Variants in FAM171A1 observed in about 807,000 individuals in gnomAD.
FAM171A1 encodes protein FAM171A1.
FAM171A1 carries 23 observed loss-of-function variants against 74.9 expected under a neutral mutation model. The observed-to-expected ratio is 0.31, with a 90% CI of 0.22 to 0.44. The LOEUF is 0.44. FAM171A1 is among the 20% of genes least tolerant of loss of function. FAM171A1 has a pLI of 1.00. For synonymous variants in FAM171A1, 527 were observed against 505.7 expected, an observed-to-expected ratio of 1.04 and a Z score of -0.57; for missense variants, 1,162 against 1,159.2, an observed-to-expected ratio of 1.00 and a Z score of -0.03.
Position 15,213,024 on chromosome 10 carries a change from G to T in FAM171A1, c.2564C>A (p.Ser855Tyr). 6.2e-7 allele frequency: 1 copy of T among 1,614,062 alleles called. No individual in the cohort carries two copies. Among genetic ancestry groups the T allele is most frequent in the Non-Finnish European group, 8.5e-7 (1 of 1,180,022 alleles). Residue 855 changes from serine (S) to tyrosine (Y), a missense_variant, in exon 8 of 8, where the codon TCT becomes TAT. Ser to Tyr is a moderately radical substitution (Grantham distance 144). Coordinates refer to ENST00000378116, the MANE Select transcript of FAM171A1 (RefSeq NM_001010924.2). This position sits in a 1 kb window ranked among gnomAD's most constrained non-coding sequence, Gnocchi z 6.8. ...EPAASPHQRR[S>Y]AHEEEEDDDD... Reference sequence around the variant, plus strand: ...ATCGTCTTCCTCTTCCTCGTGGGCAGATCTTCTCTGGTGGGGGCTGGCTGC... The same window carrying T: ...ATCGTCTTCCTCTTCCTCGTGGGCATATCTTCTCTGGTGGGGGCTGGCTGC...
At chr10:15,319,054 T>C (rs1245863151) in intron 1 of FAM171A1, among the ~76,000 whole-genome samples, 1 of 152,172 alleles carries the variant, frequency 6.6e-6, no homozygotes, top group Non-Finnish European at 1.5e-5. Context: ...AGGCCATCAA[T>C]GTGCTCAGAG....
chr10:15,326,794 A>C (rs775009908), intron 1 of FAM171A1, among the ~76,000 whole-genome samples: 3 of 151,902 alleles, frequency 2.0e-5, no homozygotes, highest in Non-Finnish European at 4.4e-5. Flanking sequence ...TACCCAGCTA[A>C]TTTTTGTATT....
upstream of FAM171A1, among the ~76,000 whole-genome samples, chr10:15,372,905 A>C (rs1564295455): frequency 6.6e-6 from 1 of 151,846 alleles, no homozygotes; most frequent in Non-Finnish European, 1.5e-5. Context: ...TCCAACTAGC[A>C]CTGCGGTGAC....
chr10:15,352,435 C>A (rs147037592), intron 1 of FAM171A1, among the ~76,000 whole-genome samples: 201 of 152,192 alleles, frequency 1.3e-3, no homozygotes, highest in African/African-American at 4.6e-3. Flanking sequence ...ATAAAAAATA[C>A]CAAGGGTCCA....
chr10:15,356,765 G>A (rs1198078101), intron 1 of FAM171A1, among the ~76,000 whole-genome samples: 1 of 152,064 alleles, frequency 6.6e-6, no homozygotes, highest in East Asian at 1.9e-4. Context: ...GAGATCAGGA[G>A]CTCGAGACCA....
chr10:15,272,084 G>C (rs1250876646), intron 3 of FAM171A1, among the ~76,000 whole-genome samples: 6 of 152,190 alleles, frequency 3.9e-5, no homozygotes, highest in Admixed American at 1.3e-4. Context: ...AAAAGACACA[G>C]ACAGGCACAT....
intron 1 of FAM171A1, among the ~76,000 whole-genome samples, chr10:15,349,953 G>A (rs1220062108): frequency 1.3e-5 from 2 of 152,012 alleles, no homozygotes; most frequent in South Asian, 2.1e-4. Flanking sequence ...AAAGCCAGGC[G>A]CTTTGATGTT....
upstream of FAM171A1, among the ~76,000 whole-genome samples, chr10:15,373,635 G>A (rs1836173788): frequency 6.6e-6 from 1 of 152,118 alleles, no homozygotes; most frequent in Admixed American, 6.6e-5. Flanking sequence ...TATATAAGAT[G>A]TTACAATTGG....
intron 5 of FAM171A1, among the ~76,000 whole-genome samples, chr10:15,228,208 C>G (rs1834133997): frequency 6.6e-6 from 1 of 152,154 alleles, no homozygotes; most frequent in South Asian, 2.1e-4. Context: ...GGGTAAGAAG[C>G]AGACAGACCT....
Position 15,358,971 on chromosome 10 carries a change from C to T in FAM171A1, c.97+11985G>A, listed in dbSNP as rs79650003. On this transcript the variant is annotated intron_variant, in intron 1 of 7. Transcript: ENST00000378116. ...AATTAATGTGCAAATTTGGGAAAGTCGTTTAACTTCTTTGCACCTCACAGT... is the reference window on the plus strand; with the variant it reads ...AATTAATGTGCAAATTTGGGAAAGTTGTTTAACTTCTTTGCACCTCACAGT... Among the ~76,000 whole-genome samples, 530 of 151,836 alleles carry T rather than the reference C, an allele frequency of 3.5e-3. 3 individuals are homozygous for T. The highest frequency in any genetic ancestry group is 0.012 in the African/African-American group (510 of 41,154).
intron 3 of FAM171A1, among the ~76,000 whole-genome samples, chr10:15,260,708 C>A (rs928754073): frequency 1.4e-4 from 22 of 152,220 alleles, no homozygotes; most frequent in African/African-American, 5.3e-4. Flanking sequence ...TCCATTCCAA[C>A]TAGATCAGGG....
At chr10:15,274,751 T>A (rs1834871259) in intron 3 of FAM171A1, among the ~76,000 whole-genome samples, 1 of 152,176 alleles carries the variant, frequency 6.6e-6, no homozygotes, top group South Asian at 2.1e-4. Flanking sequence ...AACCGTCTGA[T>A]CTTTGACAAA....
chr10:15,281,469 G>A (rs1213591187), intron 2 of FAM171A1, among the ~76,000 whole-genome samples: 2 of 150,284 alleles, frequency 1.3e-5, no homozygotes, highest in Admixed American at 1.3e-4. Flanking sequence ...TATGTGTGGG[G>A]CCAGCCAGGG....
chr10:15,276,191 T>C (rs1194122308), intron 2 of FAM171A1, among the ~76,000 whole-genome samples: 4 of 152,152 alleles, frequency 2.6e-5, no homozygotes, highest in African/African-American at 4.8e-5. Flanking sequence ...CTTTTTTTTT[T>C]CTTTTTTCTG....
At chr10:15,298,525 G>A (rs1047560679) in intron 1 of FAM171A1, among the ~76,000 whole-genome samples, 15 of 152,132 alleles carry the variant, frequency 9.9e-5, no homozygotes, top group African/African-American at 3.1e-4. Context: ...TACTTATCTC[G>A]GGAAACTTCT....
intron 1 of FAM171A1, among the ~76,000 whole-genome samples, chr10:15,360,681 A>G (rs1835982963): frequency 6.6e-6 from 1 of 152,256 alleles, no homozygotes. Flanking sequence ...CAGAGCATAC[A>G]ATGCCAGGAG....
In FAM171A1 at chr10:15,277,462, G is replaced by A. The variant is rs144674043; in HGVS notation, c.326-1515C>T. Among the ~76,000 whole-genome samples, 449 of 152,324 alleles carry A rather than the reference G, an allele frequency of 2.9e-3. 3 individuals are homozygous for A. The highest frequency in any genetic ancestry group is 0.01 in the Middle Eastern group (3 of 294). Reference sequence around the variant, plus strand: ...TGGTTTCAAACTCCTGACCTCAAGTGATCCATCTGCCTTGGCCTCCCAAAC... The same window carrying A: ...TGGTTTCAAACTCCTGACCTCAAGTAATCCATCTGCCTTGGCCTCCCAAAC... On this transcript the variant is annotated intron_variant, in intron 2 of 7. Transcript: ENST00000378116.
chr10:15,349,312 T>G (rs1416213889), intron 1 of FAM171A1, among the ~76,000 whole-genome samples: 1 of 152,184 alleles, frequency 6.6e-6, no homozygotes, highest in African/African-American at 2.4e-5. Flanking sequence ...ACTGAGTAGT[T>G]AACTGCATGC....
chr10:15,303,122 G>A (rs1835252732), intron 1 of FAM171A1, among the ~76,000 whole-genome samples: 1 of 152,128 alleles, frequency 6.6e-6, no homozygotes, highest in Non-Finnish European at 1.5e-5. Context: ...CCAGGAGGCG[G>A]AGGTTGCAGT....
Sources: gnomAD v4.1 joint callset for allele counts (sites outside exome capture counted in the v4.1 genomes callset) on GRCh38, gnomAD v4.1.1 for gene constraint, Gnocchi (gnomAD v3.1) non-coding constraint, MANE v1.5 for transcripts, NCBI Gene and HGNC (gene_info 2026-07-23, HGNC 2026-07-21) for gene names.